Variants in SAMD8 observed in about 807,000 individuals in gnomAD.
SAMD8 encodes the protein sphingomyelin synthase-related protein 1.
In SAMD8, 20 loss-of-function variants were observed where a neutral mutation model predicts 42.0. The observed-to-expected ratio is 0.48, with a 90% CI of 0.34 to 0.69. The LOEUF (loss-of-function observed/expected upper bound fraction) is 0.69, where lower values mean the gene tolerates loss of function less well. Ranked by LOEUF, SAMD8 falls within the 30% of genes least tolerant of loss-of-function variation. SAMD8 has a pLI of 0.01. For synonymous variants in SAMD8, 162 were observed against 173.0 expected, an observed-to-expected ratio of 0.94 and a Z score of 0.50; for missense variants, 328 against 511.6, an observed-to-expected ratio of 0.64 and a Z score of 3.46.
chr10:75,155,804 T>A (rs1298719694), intron 2 of SAMD8, among the ~76,000 whole-genome samples: 1 of 152,210 alleles, frequency 6.6e-6, no homozygotes, highest in Non-Finnish European at 1.5e-5. Context: ...TACAGTGGCA[T>A]ACTATTTAAT....
chr10:75,162,917 TTTTTTTTC>T (rs746862827), intron 2 of SAMD8, among the ~76,000 whole-genome samples: 7 of 151,800 alleles, frequency 4.6e-5, no homozygotes, highest in East Asian at 1.9e-4. Context: ...AGAGAGGAAT[TTTTTTTTC>T]TTTTTTTCTT....
intron 1 of SAMD8, among the ~76,000 whole-genome samples, chr10:75,134,845 C>T (rs1243592512): frequency 6.6e-6 from 1 of 150,408 alleles, no homozygotes; most frequent in African/African-American, 2.4e-5. Flanking sequence ...TCACTTGGGC[C>T]TAGAAGTTTG....
chr10:75,111,567 C>T, upstream of SAMD8: 1 of 1,249,854 alleles, frequency 8.0e-7, no homozygotes, highest in Non-Finnish European at 1.0e-6. Context: ...GCGCAGTCGC[C>T]ACCGCCCCCG....
chr10:75,139,127 AT>A (rs1294871934), intron 1 of SAMD8, among the ~76,000 whole-genome samples: 208 of 142,302 alleles, frequency 1.5e-3, no homozygotes, highest in South Asian at 1.6e-3. Flanking sequence ...CGCCCGATTA[AT>A]TTTTTTTTTT....
At chr10:75,104,553 G>A (rs997438000) in intron 1 of SAMD8, among the ~76,000 whole-genome samples, 2 of 152,190 alleles carry the variant, frequency 1.3e-5, no homozygotes, top group African/African-American at 4.8e-5. Flanking sequence ...GGCATGGTCC[G>A]AGATCTGATG....
At chr10:75,106,096 CTTTT>C (rs1564667171) in intron 1 of SAMD8, among the ~76,000 whole-genome samples, 1 of 109,026 alleles carries the variant, frequency 9.2e-6, no homozygotes, top group East Asian at 5.6e-4. Flanking sequence ...TCTTTTCTTT[CTTTT>C]CTTTTTTTTT....
At chr10:75,109,557 A>G (rs2134405096), upstream of SAMD8, among the ~76,000 whole-genome samples, 1 of 152,276 alleles carries the variant, frequency 6.6e-6, no homozygotes, top group Admixed American at 6.5e-5. Flanking sequence ...CTGAGGACTG[A>G]GTTAAAGTAG....
chr10:75,112,448 G>A (rs1848794468), intron 1 of SAMD8, among the ~76,000 whole-genome samples: 1 of 151,842 alleles, frequency 6.6e-6, no homozygotes, highest in African/African-American at 2.4e-5. Context: ...CTTGGATCGT[G>A]GGGCTTTCTC....
rs539024287 is a variant in SAMD8, at chr10:75,134,365, TG to T, written c.-15-16147del. ...AAATAAAATAACAGGCCAGGCGCAGTGGCTCATGCCTGTAATCCCAGCACTT... is the reference window on the plus strand; with the variant it reads ...AAATAAAATAACAGGCCAGGCGCAGTGCTCATGCCTGTAATCCCAGCACTT... On this transcript the variant is annotated intron_variant, in intron 1 of 5. Transcript: ENST00000542569. Among the ~76,000 whole-genome samples the T allele has an allele frequency of 3.4e-3, 514 of 152,298 alleles. 2 individuals carry two copies. Among genetic ancestry groups the T allele is most frequent in the African/African-American group, 0.011 (476 of 41,550 alleles).
chr10:75,152,609 T>G (rs1334493561), intron 2 of SAMD8, among the ~76,000 whole-genome samples: 2 of 152,034 alleles, frequency 1.3e-5, no homozygotes, highest in African/African-American at 4.8e-5. Context: ...TCCCAGCACT[T>G]TGGGAGGCCC....
rs142456650 is a variant in SAMD8, at chr10:75,180,566, C to T, written c.*3874C>T. 1 of 152,358 alleles carries T rather than the reference C, an allele frequency of 6.6e-6. No homozygotes were observed. The highest frequency in any genetic ancestry group is 1.9e-4 in the East Asian group (1 of 5,188). 9.4% of individuals were successfully genotyped at this position (152,358 alleles called of 1,614,324 possible). A position where few individuals can be genotyped will look rare whatever the true frequency, so the allele number is the denominator to read the frequency against. ...TCTGGGTGACAGAGCGAGACTCCAT[C>T]TCAAAAAAACAAAACAAAATAAAAT... On this transcript the variant is annotated 3_prime_UTR_variant, in exon 6 of 6. Transcript: ENST00000542569.
At chr10:75,162,425 G>A (rs750184040) in intron 2 of SAMD8, among the ~76,000 whole-genome samples, 2 of 151,980 alleles carry the variant, frequency 1.3e-5, no homozygotes, top group South Asian at 4.1e-4. Flanking sequence ...TGAGGCAGGC[G>A]GATGACCTGA....
chr10:75,100,840 A>G (rs1848116199), intron 1 of SAMD8, among the ~76,000 whole-genome samples: 1 of 152,154 alleles, frequency 6.6e-6, no homozygotes, highest in African/African-American at 2.4e-5. Context: ...ATCCTCCCCC[A>G]GGAAGCTCAT....
upstream of SAMD8, chr10:75,108,137 G>A (rs1217267886): frequency 1.9e-6 from 3 of 1,613,334 alleles, no homozygotes; most frequent in Middle Eastern, 3.5e-4. Flanking sequence ...GACAGTAGAG[G>A]CCCTTGTGGG....
Position 75,176,540 on chromosome 10 carries a change from C to CT in SAMD8, c.1097dup (p.Ala367GlyfsTer10). The CT allele has an allele frequency of 6.4e-7, 1 of 1,550,642 alleles. No homozygotes were observed. The highest frequency in any genetic ancestry group is 8.7e-7 in the Non-Finnish European group (1 of 1,147,008). On this transcript the variant is annotated frameshift_variant, in exon 6 of 6. Transcript: ENST00000542569. LOFTEE classifies it high-confidence loss of function. This position sits in a 1 kb window ranked among gnomAD's most constrained non-coding sequence, Gnocchi z 4.3. ...AAGACTCTTTTTGTACTACCATACT[C>CT]TGGCCAATACCAGAGCATATCAGCA...
intron 1 of SAMD8, chr10:75,099,736 G>A: frequency 3.7e-6 from 1 of 272,608 alleles, no homozygotes; most frequent in Non-Finnish European, 6.6e-6. Context: ...GAGGTGGGAA[G>A]AGAACTTCTG....
intron 1 of SAMD8, among the ~76,000 whole-genome samples, chr10:75,134,313 T>C (rs569684183): frequency 1.1e-4 from 17 of 152,272 alleles, no homozygotes; most frequent in African/African-American, 3.9e-4. Flanking sequence ...CAAACCTGCA[T>C]GTCCTGCTCA....
chr10:75,166,263 G>A (rs1379882185), intron 3 of SAMD8, among the ~76,000 whole-genome samples: 1 of 152,000 alleles, frequency 6.6e-6, no homozygotes, highest in Non-Finnish European at 1.5e-5. Flanking sequence ...TAATGGGCAG[G>A]AAGAATTAGT....
chr10:75,141,498 TAG>T (rs1269964909), intron 1 of SAMD8, among the ~76,000 whole-genome samples: 1 of 151,794 alleles, frequency 6.6e-6, no homozygotes, highest in East Asian at 1.9e-4. Flanking sequence ...TGTCAGCAAA[TAG>T]AGTTTTATTT....
Sources: gnomAD v4.1 joint callset for allele counts (sites outside exome capture counted in the v4.1 genomes callset) on GRCh38, gnomAD v4.1.1 for gene constraint, Gnocchi (gnomAD v3.1) non-coding constraint, MANE v1.5 for transcripts, NCBI Gene and HGNC (gene_info 2026-07-23, HGNC 2026-07-21) for gene names.